The following RBFOX1 variants were observed in gnomAD, a reference collection of about 807,000 sequenced individuals.
RBFOX1 encodes the protein RNA binding fox-1 homolog 1, also known as RNA binding protein fox-1 homolog 1.
Under a neutral mutation model 57.7 loss-of-function variants are expected in RBFOX1, and 8 were observed. The ratio of observed to expected loss-of-function variants is 0.14; its 90% CI spans 0.08 to 0.25. The LOEUF (loss-of-function observed/expected upper bound fraction) is 0.25, where lower values mean the gene tolerates loss of function less well. Among genes scored for constraint, RBFOX1 ranks in the 10% least tolerant of loss-of-function variants. The pLI is 1.00. For missense variants in RBFOX1, 611 were observed against 548.5 expected (o/e 1.11, Z -1.14); for synonymous variants, 326 against 222.4 (o/e 1.47, Z -4.15).
intron 1 of RBFOX1, among the ~76,000 whole-genome samples, chr16:6,264,742 G>A (rs575607845): frequency 4.6e-5 from 7 of 152,278 alleles, no homozygotes; most frequent in Admixed American, 2.6e-4. Context: ...CAGGTGCTCA[G>A]CTCTTTTTTG....
chr16:7,556,320 CAT>C (rs1160561700), intron 5 of RBFOX1, among the ~76,000 whole-genome samples: 1 of 152,174 alleles, frequency 6.6e-6, no homozygotes, highest in Non-Finnish European at 1.5e-5. Context: ...GCTAGATTTG[CAT>C]GCTTCCCCTC....
chr16:7,479,445 T>C (rs897021625), intron 4 of RBFOX1, among the ~76,000 whole-genome samples: 3 of 152,138 alleles, frequency 2.0e-5, no homozygotes, highest in Admixed American at 6.5e-5. Flanking sequence ...CCAGGTATTT[T>C]ACTCTACAAT....
intron 1 of RBFOX1, among the ~76,000 whole-genome samples, chr16:6,289,390 C>T (rs2077228939): frequency 6.6e-6 from 1 of 152,076 alleles, no homozygotes; most frequent in Non-Finnish European, 1.5e-5. Context: ...GTACCCTTTG[C>T]AGAATCAGTA....
intron 3 of RBFOX1, among the ~76,000 whole-genome samples, chr16:6,852,341 G>A (rs1353785340): frequency 6.6e-6 from 1 of 152,014 alleles, no homozygotes; most frequent in East Asian, 1.9e-4. Context: ...AGGGCCCTCT[G>A]GATAATCCAG....
rs2078488578 is a variant in RBFOX1 at position 7,162,284 on chromosome 16, T to TACAC, written c.27+110187_27+110188insCACA. Among the ~76,000 whole-genome samples the TACAC allele has an allele frequency of 2.0e-5, 3 of 152,210 alleles. No homozygotes were observed. The South Asian group carries it at 6.2e-4, about 32-fold the overall frequency. ...TATATTTCCTCTCTCTCCATATGTA[T>TACAC]ATATATGTATACACACATACATGCA... On this transcript the variant is annotated intron_variant, in intron 4 of 15. Transcript: ENST00000550418.
At chr16:7,708,088 C>T (rs1598645464) in intron 14 of RBFOX1, among the ~76,000 whole-genome samples, 1 of 152,104 alleles carries the variant, frequency 6.6e-6, no homozygotes, top group South Asian at 2.1e-4. Flanking sequence ...CGCCTGTAAT[C>T]CTAACACTGA....
intron 2 of RBFOX1, among the ~76,000 whole-genome samples, chr16:6,358,913 G>T (rs1235251273): frequency 6.6e-6 from 1 of 152,218 alleles, no homozygotes; most frequent in African/African-American, 2.4e-5. Flanking sequence ...TTCGAAACAT[G>T]AAGGGTAGCA....
intron 4 of RBFOX1, among the ~76,000 whole-genome samples, chr16:7,309,389 C>G (rs561462942): frequency 7.9e-5 from 12 of 152,336 alleles, no homozygotes; most frequent in Non-Finnish European, 1.8e-4. Context: ...CTTAATCCAA[C>G]AATCACTTCT....
intron 3 of RBFOX1, among the ~76,000 whole-genome samples, chr16:5,803,722 C>G (rs2055135034): frequency 2.0e-5 from 3 of 152,186 alleles, no homozygotes; most frequent in Admixed American, 1.3e-4. Context: ...GTGGGTATAT[C>G]AGAGTGAATA....
intron 4 of RBFOX1, among the ~76,000 whole-genome samples, chr16:7,134,567 T>C (rs1263351102): frequency 1.3e-5 from 2 of 152,190 alleles, no homozygotes; most frequent in East Asian, 3.8e-4. Context: ...TGCTAGCCTA[T>C]TTTCTTAATT....
intron 4 of RBFOX1, among the ~76,000 whole-genome samples, chr16:7,188,970 C>A (rs1348143498): frequency 6.6e-6 from 1 of 152,138 alleles, no homozygotes; most frequent in African/African-American, 2.4e-5. Context: ...TGATAAACCA[C>A]TCAAGGAAGG....
At chr16:5,503,785 TCCA>T (rs780421144) in intron 2 of RBFOX1, among the ~76,000 whole-genome samples, 6 of 152,268 alleles carry the variant, frequency 3.9e-5, no homozygotes, top group South Asian at 2.1e-4. Context: ...TGCAACCATC[TCCA>T]CCATCACTTT....
At chr16:6,544,668 C>T (rs183589898) in intron 2 of RBFOX1, among the ~76,000 whole-genome samples, 58 of 152,310 alleles carry the variant, frequency 3.8e-4, no homozygotes, top group African/African-American at 1.3e-3. Flanking sequence ...TCGCTGACTG[C>T]GTATCCACCC....
intron 3 of RBFOX1, among the ~76,000 whole-genome samples, chr16:5,672,884 TGTGTG>T (rs1482464764): frequency 9.5e-6 from 1 of 104,816 alleles, no homozygotes; most frequent in African/African-American, 3.1e-5. Context: ...TGTGTGTGTG[TGTGTG>T]TCTGGGTTTT....
intron 1 of RBFOX1, among the ~76,000 whole-genome samples, chr16:6,107,610 T>G (rs957908862): frequency 6.6e-6 from 1 of 151,908 alleles, no homozygotes; most frequent in Non-Finnish European, 1.5e-5. Flanking sequence ...CACGGATGGA[T>G]GGATACATAG....
chr16:6,929,384 CA>C (rs1009449841), intron 3 of RBFOX1, among the ~76,000 whole-genome samples: 1 of 152,022 alleles, frequency 6.6e-6, no homozygotes, highest in African/African-American at 2.4e-5. Context: ...TCACCATTGT[CA>C]AAATGACATC....
chr16:5,600,486 C>CAA (rs34621437), downstream of RBFOX1, among the ~76,000 whole-genome samples: 1,625 of 89,850 alleles, frequency 0.018, 35 homozygotes, highest in African/African-American at 0.045. Context: ...GAGCCTGTCT[C>CAA]AAAAAAAAAA....
chr16:7,696,959 C>T (rs908563663), intron 14 of RBFOX1, among the ~76,000 whole-genome samples: 1 of 152,060 alleles, frequency 6.6e-6, no homozygotes, highest in Non-Finnish European at 1.5e-5. Context: ...GATATGAGTA[C>T]AGGTGAGTTT....
intron 4 of RBFOX1, among the ~76,000 whole-genome samples, chr16:7,257,844 A>AAT (rs2094758426): frequency 2.0e-5 from 3 of 152,246 alleles, no homozygotes; most frequent in South Asian, 4.1e-4. Context: ...TTAAATTGGA[A>AAT]GTCCTTGCAT....
Sources: gnomAD v4.1 joint callset for allele counts (sites outside exome capture counted in the v4.1 genomes callset) on GRCh38, gnomAD v4.1.1 for gene constraint, MANE v1.5 for transcripts, NCBI Gene and HGNC (gene_info 2026-07-23, HGNC 2026-07-21) for gene names.